Variants in DHX34 observed in about 807,000 individuals in gnomAD.
DHX34 encodes DExH-box helicase 34, also known as probable ATP-dependent RNA helicase DHX34.
Under a neutral mutation model 111.1 loss-of-function variants are expected in DHX34, and 96 were observed. The observed-to-expected ratio is 0.86, with a 90% CI of 0.73 to 1.02. The LOEUF is 1.02. Ranked by LOEUF, DHX34 falls within the 50% of genes least tolerant of loss-of-function variation. The pLI is 0.00. For missense variants in DHX34, 1,560 were observed against 1,579.9 expected, an observed-to-expected ratio of 0.99 and a Z score of 0.21; for synonymous variants, 688 against 670.4, an observed-to-expected ratio of 1.03 and a Z score of -0.41.
chr19:47,368,759 G>A (rs1969881571), intron 7 of DHX34, among the ~76,000 whole-genome samples: 1 of 151,538 alleles, frequency 6.6e-6, no homozygotes, highest in Non-Finnish European at 1.5e-5. Flanking sequence ...TGTTGCCCAG[G>A]CTGAAGTGCA....
At chr19:47,376,398 A>G in intron 11 of DHX34, 45 bp from the exon 12 acceptor site, 6 of 1,584,880 alleles carry the variant, frequency 3.8e-6, no homozygotes, top group South Asian at 1.1e-5. Flanking sequence ...TGGGCAGAGG[A>G]GAGAGCAGAT....
In DHX34 at chr19:47,375,927, G is replaced by A. The variant is rs967424476; in HGVS notation, c.2311G>A (p.Val771Met). The change falls in exon 11 of 17, where the codon GTG becomes ATG. Residue 771 changes from valine to methionine, a missense_variant. Transcript: ENST00000328771. The stretch of plus-strand genomic sequence containing the variant: ...TGCCTCCCCGTGCTCCCCCCAGGAT[G>A]TGAAGTTCAAGCTTCGGCATGACCT... ...GASDGVDIQDVKFKLRHDLAQ... is the reference protein window; with the variant it reads ...GASDGVDIQDMKFKLRHDLAQ... 1.9e-6 allele frequency: 3 copies of A among 1,601,404 alleles called. No homozygotes were observed. The African/African-American group carries it at 4.1e-5, about 22-fold the overall frequency.
chr19:47,380,705 C>T (rs1001100128), intron 14 of DHX34, 111 bp from the exon 15 acceptor site: 10 of 1,517,670 alleles, frequency 6.6e-6, no homozygotes, highest in Non-Finnish European at 8.8e-6. Flanking sequence ...AAGCACTTGG[C>T]TCCCGTAACT....
intron 7 of DHX34, among the ~76,000 whole-genome samples, chr19:47,368,327 A>T: frequency 1.1e-5 from 1 of 91,320 alleles, no homozygotes; most frequent in Non-Finnish European, 2.0e-5. Flanking sequence ...TTTTTTTGAG[A>T]CTGAGTTTCG....
intron 5 of DHX34, among the ~76,000 whole-genome samples, chr19:47,362,124 G>A (rs1969648478): frequency 6.6e-6 from 1 of 151,782 alleles, no homozygotes; most frequent in Admixed American, 6.6e-5. Flanking sequence ...AAAATTAGCC[G>A]GGTGTGTTGG....
At chr19:47,380,776 T>A (rs1970326344) in intron 14 of DHX34, 40 bp from the exon 15 acceptor site, 1 of 1,611,532 alleles carries the variant, frequency 6.2e-7, no homozygotes, top group Non-Finnish European at 8.5e-7. Context: ...GGCATCTCCC[T>A]GAGTCTGTCT....
At chr19:47,359,045 C>G (rs1290099674) in intron 4 of DHX34, among the ~76,000 whole-genome samples, 1 of 152,190 alleles carries the variant, frequency 6.6e-6, no homozygotes, top group Non-Finnish European at 1.5e-5. Context: ...CAGCAGATCC[C>G]TCTGGCTGCC....
Position 47,382,253 on chromosome 19 carries a change from T to C in DHX34, c.*140T>C. The C allele has an allele frequency of 7.1e-7, 1 of 1,415,848 alleles. No homozygotes were observed. Among genetic ancestry groups the C allele is most frequent in the South Asian group, 1.5e-5 (1 of 68,166 alleles). 87.7% of individuals were successfully genotyped at this position (1,415,848 alleles called of 1,614,324 possible). On this transcript the variant is annotated 3_prime_UTR_variant, in exon 17 of 17. Coordinates refer to ENST00000328771, the MANE Select transcript of DHX34 (RefSeq NM_014681.6). ...CAGTGCAGAGGGCCTGGAGCACGGA[T>C]TGTGAATAAAGCCTCACATGCTGAT...
chr19:47,367,114 T>C lies in DHX34; in HGVS notation c.1727T>C (p.Ile576Thr), dbSNP rs908707455. ...GACAGCTCAGAGGCCCTCACACCCATTGGGTCCCTGCTAGCCCAGCTGCCT... is the reference window on the plus strand; with the variant it reads ...GACAGCTCAGAGGCCCTCACACCCACTGGGTCCCTGCTAGCCCAGCTGCCT... ...ALDSSEALTP[I>T]GSLLAQLPVD... Residue 576 changes from isoleucine to threonine, a missense_variant, in exon 7 of 17, where the codon ATT becomes ACT. By Grantham distance (89) the Ile-to-Thr change is moderately conservative (BLOSUM62 -1). Transcript: ENST00000328771. 3 of 1,588,296 alleles carry C rather than the reference T, an allele frequency of 1.9e-6. No individual in the cohort carries two copies. The highest frequency in any genetic ancestry group is 2.4e-5 in the East Asian group (1 of 42,488).
At chr19:47,365,374 C>T (rs551585335) in intron 6 of DHX34, among the ~76,000 whole-genome samples, 9 of 152,056 alleles carry the variant, frequency 5.9e-5, no homozygotes, top group Non-Finnish European at 1.0e-4. Context: ...GCCTTGGCCT[C>T]CCGAGTAGCT....
At chr19:47,375,330 C>T in intron 9 of DHX34, 136 bp from the exon 10 acceptor site, 1 of 1,422,040 alleles carries the variant, frequency 7.0e-7, no homozygotes, top group Middle Eastern at 2.5e-4. Context: ...CGATCCATGC[C>T]CAGCACCATG....
chr19:47,380,439 C>T (rs770503418), intron 14 of DHX34, among the ~76,000 whole-genome samples: 9 of 151,818 alleles, frequency 5.9e-5, no homozygotes, highest in Non-Finnish European at 8.8e-5. Context: ...GGCTGACTTC[C>T]TGGAGTAGAA....
chr19:47,381,551 CTGTGTTGCTGTCTT>C (rs1970359990), intron 16 of DHX34: 1 of 625,058 alleles, frequency 1.6e-6, no homozygotes, highest in South Asian at 2.2e-5. Flanking sequence ...TGTGGTGTCT[CTGTGTTGCTGTCTT>C]TGTCTCTGTT....
At chr19:47,372,528 CTG>C in intron 7 of DHX34, 200 bp from the exon 8 acceptor site, 1 of 885,246 alleles carries the variant, frequency 1.1e-6, no homozygotes, top group Non-Finnish European at 1.4e-6. Context: ...AATGGGGAAA[CTG>C]AGGCCCTTGC....
Position 47,353,434 on chromosome 19 carries a change from GA to G in DHX34, c.405del (p.Ala136ProfsTer40). On this transcript the variant is annotated frameshift_variant, in exon 2 of 17. Coordinates refer to ENST00000328771, the MANE Select transcript of DHX34 (RefSeq NM_014681.6). LOFTEE classifies it high-confidence loss of function. This position sits in a 1 kb window ranked among gnomAD's most constrained non-coding sequence, Gnocchi z 4.6. ...GCGGAGAGAGTGGCTGAGTTCCGCC[GA>G]GCCCTGTTGCACTACCTGGACTTTG... ...LPAERVAEFR[R>X]ALLHYLDFGQ... 2 of 1,614,164 alleles carry G rather than the reference GA, an allele frequency of 1.2e-6. No individual in the cohort carries two copies. Among genetic ancestry groups the G allele is most frequent in the Non-Finnish European group, 1.7e-6 (2 of 1,180,040 alleles).
intron 7 of DHX34, among the ~76,000 whole-genome samples, chr19:47,368,298 C>CTTT (rs71180827): frequency 2.4e-4 from 11 of 46,058 alleles, no homozygotes; most frequent in African/African-American, 8.8e-4. Flanking sequence ...TCATTAAATC[C>CTTT]TTTTTTTTTT....
chr19:47,367,505 G>A (rs1266581316), intron 7 of DHX34, among the ~76,000 whole-genome samples: 1 of 152,184 alleles, frequency 6.6e-6, no homozygotes, highest in Non-Finnish European at 1.5e-5. Flanking sequence ...TCATGTATAA[G>A]GCAGACCTCA....
rs1970010647 is a variant in DHX34, at chr19:47,372,844, GC to G, written c.1884del (p.Cys628TrpfsTer28). On this transcript the variant is annotated frameshift_variant, in exon 8 of 17. Coordinates refer to ENST00000328771, the MANE Select transcript of DHX34 (RefSeq NM_014681.6). LOFTEE classifies it high-confidence loss of function. Reference sequence around the variant, plus strand: ...CGCAGCGCCCAGAGCAGCCCAGAGTGCGCGGCAGCACGGCGGCCGCTGGAGA... The same window carrying G: ...CGCAGCGCCCAGAGCAGCCCAGAGTGGCGGCAGCACGGCGGCCGCTGGAGA... Reference protein sequence around the residue: ...FTRSAQSSPECAAARRPLESD... With the variant: ...FTRSAQSSPEXAAARRPLESD... 1 of 1,612,600 alleles carries G rather than the reference GC, an allele frequency of 6.2e-7. No individual in the cohort carries two copies.
At chr19:47,363,715 G>C (rs2122262768) in intron 6 of DHX34, among the ~76,000 whole-genome samples, 1 of 151,848 alleles carries the variant, frequency 6.6e-6, no homozygotes, top group East Asian at 2.0e-4. Flanking sequence ...CTATTTGGGA[G>C]GCTGAGGCAG....
Sources: allele counts gnomAD v4.1 joint callset (sites outside exome capture counted in the v4.1 genomes callset), GRCh38; gene constraint gnomAD v4.1.1; non-coding constraint Gnocchi (gnomAD v3.1); transcripts MANE v1.5; gene names NCBI Gene and HGNC (gene_info 2026-07-23, HGNC 2026-07-21).